Variants in CYB561A3 observed in about 807,000 individuals in gnomAD.
CYB561A3 encodes the protein cytochrome b561 family member A3, also known as lysosomal membrane ascorbate-dependent ferrireductase CYB561A3.
In CYB561A3, 16 loss-of-function variants were observed where a neutral mutation model predicts 25.3. The ratio of observed to expected loss-of-function variants is 0.63; its 90% confidence interval spans 0.43 to 0.96. The LOEUF is 0.96. Among genes scored for constraint, CYB561A3 ranks in the 40% least tolerant of loss-of-function variants. The probability of loss-of-function intolerance (pLI) is 0.00; values close to 1 mark genes in which losing one functional copy is unlikely to be tolerated. For synonymous variants in CYB561A3, 131 were observed against 129.9 expected (o/e 1.01, Z -0.06); for missense variants, 219 against 307.5 (o/e 0.71, Z 2.15).
At chr11:61,359,519 TTC>T (rs1857767280) in intron 1 of CYB561A3, 1 of 152,150 alleles carries the variant, frequency 6.6e-6, no homozygotes, top group Non-Finnish European at 1.5e-5. Flanking sequence ...TGTTTTTTTT[TTC>T]TTTGTAAGAG....
chr11:61,355,862 G>A (rs1397249351), intron 3 of CYB561A3, among the ~76,000 whole-genome samples: 1 of 151,924 alleles, frequency 6.6e-6, no homozygotes, highest in Non-Finnish European at 1.5e-5. Flanking sequence ...GGCTGAGGTG[G>A]GCAGATCACA....
chr11:61,360,988 A>AAAG (rs577348190), intron 1 of CYB561A3: 6,805 of 151,780 alleles, frequency 0.045, 423 homozygotes, highest in African/African-American at 0.14. Flanking sequence ...AGAAAAAAAA[A>AAAG]AAAGAAAGAA....
In CYB561A3 at chr11:61,350,621, G is replaced by A. The variant is rs976554716; in HGVS notation, c.706-199C>T. ...CATCAAGACCTGCTCTGAGCACTCAGCTGGTCACCAGGCACCCATCCCACT... is the reference window on the plus strand; with the variant it reads ...CATCAAGACCTGCTCTGAGCACTCAACTGGTCACCAGGCACCCATCCCACT... On this transcript the variant is annotated intron_variant, in intron 6 of 6. Transcript: ENST00000294072. 7.6e-6 allele frequency: 5 copies of A among 656,692 alleles called. No individual in the cohort carries two copies. In the Admixed American group the frequency reaches 1.5e-4, roughly 19 times the overall value. The allele number at this position is 656,692 out of a possible 1,614,324, so 40.7% of individuals were successfully genotyped here. A position where few individuals can be genotyped will look rare whatever the true frequency, so the allele number is the denominator to read the frequency against.
intron 5 of CYB561A3, 191 bp downstream of exon 5, chr11:61,352,794 G>A (rs1857475442): frequency 7.0e-7 from 1 of 1,437,814 alleles, no homozygotes; most frequent in Non-Finnish European, 9.1e-7. Context: ...TCAAACTGAT[G>A]CTCAATAAAT....
At position 61,350,324 on chromosome 11, in the gene CYB561A3, C is replaced by T; in HGVS notation, c.*75G>A. 6.4e-7 allele frequency: 1 copy of T among 1,565,758 alleles called. No homozygotes were observed. Among genetic ancestry groups the T allele is most frequent in the African/African-American group, 1.3e-5 (1 of 74,320 alleles). On this transcript the variant is annotated 3_prime_UTR_variant, in exon 7 of 7. Transcript: ENST00000294072. Reference sequence around the variant, plus strand: ...TCGCCTGCTGAAACCAGCCGGGAGCCCTGGGAAGAGCAGAGCTTCTGAGGG... The same window carrying T: ...TCGCCTGCTGAAACCAGCCGGGAGCTCTGGGAAGAGCAGAGCTTCTGAGGG...
At chr11:61,355,703 A>G (rs1015497771) in intron 3 of CYB561A3, among the ~76,000 whole-genome samples, 29 of 151,204 alleles carry the variant, frequency 1.9e-4, no homozygotes, top group Non-Finnish European at 3.5e-4. Flanking sequence ...AAAAAAAAAA[A>G]GATGGATCCC....
At chr11:61,360,608 C>A (rs533677013) in intron 1 of CYB561A3, 2 of 152,230 alleles carry the variant, frequency 1.3e-5, no homozygotes, top group Non-Finnish European at 2.9e-5. Flanking sequence ...AAAAAGGATT[C>A]TCCCGGCTGA....
chr11:61,357,076 C>T, intron 2 of CYB561A3: 1 of 1,420,058 alleles, frequency 7.0e-7, no homozygotes, highest in Non-Finnish European at 9.7e-7. Context: ...ATTACCACCC[C>T]ATACCCCCCA....
intron 6 of CYB561A3, chr11:61,350,677 T>TCC: frequency 3.3e-6 from 2 of 597,594 alleles, no homozygotes; most frequent in Non-Finnish European, 5.8e-6. Context: ...AAAGGAGAAA[T>TCC]CACACACCCT....
At position 61,349,591 on chromosome 11, in the gene CYB561A3, G is replaced by A. The variant is rs539405227; in HGVS notation, c.*808C>T. 1.1e-5 allele frequency: 8 copies of A among 703,000 alleles called. No homozygotes were observed. Among genetic ancestry groups the A allele is most frequent in the South Asian group, 7.4e-5 (5 of 67,596 alleles). 43.5% of individuals were successfully genotyped at this position (703,000 alleles called of 1,614,324 possible). A position where few individuals can be genotyped will look rare whatever the true frequency, so the allele number is the denominator to read the frequency against. On this transcript the variant is annotated 3_prime_UTR_variant, in exon 7 of 7. Coordinates refer to ENST00000294072, the MANE Select transcript of CYB561A3 (RefSeq NM_153611.6). Reference sequence around the variant, plus strand: ...TTTGTAGGGCTGCCTGCCGGTGACAGACACGTAAGTCACAGGGAAAGGCCG... The same window carrying A: ...TTTGTAGGGCTGCCTGCCGGTGACAAACACGTAAGTCACAGGGAAAGGCCG...
At chr11:61,358,784 AC>A (rs1307277153) in intron 1 of CYB561A3, 1 of 152,102 alleles carries the variant, frequency 6.6e-6, no homozygotes, top group African/African-American at 2.4e-5. Flanking sequence ...CTTCATCCTA[AC>A]TACTAACATG....
chr11:61,355,108 TCCGC>T (rs1857598005), intron 3 of CYB561A3, among the ~76,000 whole-genome samples: 1 of 151,926 alleles, frequency 6.6e-6, no homozygotes, highest in Admixed American at 6.6e-5. Context: ...GACCTCATGA[TCCGC>T]CCACCTCAGT....
Position 61,351,120 on chromosome 11 carries a change from G to C in CYB561A3, c.576C>G (p.Ser192Arg). Residue 192 changes from serine (S) to arginine (R), a missense_variant, in exon 6 of 7, where the codon AGC becomes AGG. Coordinates refer to ENST00000294072, the MANE Select transcript of CYB561A3 (RefSeq NM_153611.6). ...TGGCAAAGACCGCCTCACTGGGCAGGCTGTGGTATGGCCTGGTGGTGTTTT... is the reference window on the plus strand; with the variant it reads ...TGGCAAAGACCGCCTCACTGGGCAGCCTGTGGTATGGCCTGGTGGTGTTTT... The part of the protein sequence containing the change: ...SLKNTTRPYH[S>R]LPSEAVFANS... 2 of 1,613,692 alleles carry C rather than the reference G, an allele frequency of 1.2e-6. No individual in the cohort carries two copies. Among genetic ancestry groups the C allele is most frequent in the African/African-American group, 1.3e-5 (1 of 75,018 alleles).
chr11:61,349,508 C>G lies in CYB561A3; in HGVS notation c.*891G>C. ...GAAGTCCACAGCCACCTCTGTTACT[C>G]ATCGCTACTGGGACATCTGGGGACA... On this transcript the variant is annotated 3_prime_UTR_variant, in exon 7 of 7. Transcript: ENST00000294072. The G allele has an allele frequency of 1.4e-6, 1 of 702,092 alleles. No homozygotes were observed. Among genetic ancestry groups the G allele is most frequent in the Non-Finnish European group, 2.6e-6 (1 of 384,388 alleles). 43.5% of individuals were successfully genotyped at this position (702,092 alleles called of 1,614,324 possible).
At chr11:61,360,797 G>A (rs1373993150) in intron 1 of CYB561A3, 3 of 151,858 alleles carry the variant, frequency 2.0e-5, no homozygotes, top group African/African-American at 7.3e-5. Context: ...GACCAACATG[G>A]AGAAACCCCG....
rs575330098 is a variant in CYB561A3 at position 61,356,670 on chromosome 11, G to A, written c.44C>T (p.Ser15Phe). Residue 15 changes from serine (S) to phenylalanine (F), a missense_variant, in exon 3 of 7, where the codon TCC becomes TTC. Transcript: ENST00000294072. ...RFYLSCLLLGSLGSMCILFTI... is the reference protein window; with the variant it reads ...RFYLSCLLLGFLGSMCILFTI... Reference sequence around the variant, plus strand: ...GAAGAGGATGCACATAGAGCCCAGGGACCCCAGCAGCAGGCAGGACAAGTA... The same window carrying A: ...GAAGAGGATGCACATAGAGCCCAGGAACCCCAGCAGCAGGCAGGACAAGTA... The A allele has an allele frequency of 6.2e-6, 10 of 1,614,150 alleles. No homozygotes were observed. In the East Asian group the frequency reaches 2.0e-4, roughly 32 times the overall value.
rs371810863 is a variant in CYB561A3, at chr11:61,356,687, G to A, written c.27C>T (p.Ser9=). ...AGCCCAGGGACCCCAGCAGCAGGCA[G>A]GACAAGTAGAACCGTCCAGACACCA... The part of the protein sequence containing the change: MVSGRFYL[S]CLLLGSLGSM... The change falls in exon 3 of 7, where the codon TCC becomes TCT. Residue 9 remains serine, a synonymous_variant. Coordinates refer to ENST00000294072, the MANE Select transcript of CYB561A3 (RefSeq NM_153611.6). 37 of 1,614,186 alleles carry A rather than the reference G, an allele frequency of 2.3e-5. No individual in the cohort carries two copies. The highest frequency in any genetic ancestry group is 3.3e-4 in the Middle Eastern group (2 of 6,062).
chr11:61,361,710 C>T (rs962899518), intron 1 of CYB561A3, 23 bp downstream of exon 1: 2 of 152,332 alleles, frequency 1.3e-5, no homozygotes, highest in Admixed American at 6.5e-5. Flanking sequence ...TCCCTGAACT[C>T]CCAGCCCCGG....
In CYB561A3 at chr11:61,356,523, T is replaced by A; in HGVS notation, c.184+7A>T. 2 of 1,612,816 alleles carry A rather than the reference T, an allele frequency of 1.2e-6. No individual in the cohort carries two copies. Among genetic ancestry groups the A allele is most frequent in the Non-Finnish European group, 1.7e-6 (2 of 1,179,232 alleles). ...TATCCCGCCTCCCTTCCTGACCTCT[T>A]ACTCACCACCTCCATAGAATACCAC... On this transcript the variant is annotated splice_region_variant and intron_variant, in intron 3 of 6. Transcript: ENST00000294072.
Sources: gnomAD v4.1 joint callset for allele counts (sites outside exome capture counted in the v4.1 genomes callset) on GRCh38, gnomAD v4.1.1 for gene constraint, MANE v1.5 for transcripts, NCBI Gene and HGNC (gene_info 2026-07-23, HGNC 2026-07-21) for gene names.